The following ADAM32 variants were observed in gnomAD, a reference collection of about 807,000 sequenced individuals.
ADAM32 encodes disintegrin and metalloproteinase domain-containing protein 32.
Under a neutral mutation model 114.9 loss-of-function variants are expected in ADAM32, and 89 were observed. The observed-to-expected ratio is 0.77, with a 90% confidence interval of 0.65 to 0.92. ADAM32 has a LOEUF of 0.92. Ranked by LOEUF, ADAM32 falls within the 40% of genes least tolerant of loss-of-function variation. The pLI is 0.00. For missense variants in ADAM32, 870 were observed against 932.8 expected (o/e 0.93, Z 0.88); for synonymous variants, 285 against 307.5 (o/e 0.93, Z 0.77).
In ADAM32 at chr8:39,149,973, G is replaced by A. The variant is rs1022789246; in HGVS notation, c.353+106G>A. 4 of 780,754 alleles carry A rather than the reference G, an allele frequency of 5.1e-6. No individual in the cohort carries two copies. In the East Asian group the frequency reaches 1.1e-4, roughly 22 times the overall value. 48.4% of individuals were successfully genotyped at this position (780,754 alleles called of 1,614,324 possible). A position where few individuals can be genotyped will look rare whatever the true frequency, so the allele number is the denominator to read the frequency against. Reference sequence around the variant, plus strand: ...GGGGTTGAAGGAGCTTTCCTATGTGGAGATTATTTAATGATATCCCCCTCT... The same window carrying A: ...GGGGTTGAAGGAGCTTTCCTATGTGAAGATTATTTAATGATATCCCCCTCT... On this transcript the variant is annotated intron_variant, in intron 5 of 24. Transcript: ENST00000379907.
intron 22 of ADAM32, chr8:39,276,439 T>A (rs926978786): frequency 6.6e-6 from 1 of 152,196 alleles, no homozygotes; most frequent in Non-Finnish European, 1.5e-5. Context: ...CACTCAGCAA[T>A]TGTGGGTTTT....
At chr8:39,196,210 A>T (rs1806975652) in intron 11 of ADAM32, among the ~76,000 whole-genome samples, 1 of 152,068 alleles carries the variant, frequency 6.6e-6, no homozygotes, top group African/African-American at 2.4e-5. Flanking sequence ...AATTTTACTG[A>T]ATTTGTTGAT....
intron 3 of ADAM32, among the ~76,000 whole-genome samples, chr8:39,145,482 G>A (rs1010205475): frequency 6.6e-6 from 1 of 152,076 alleles, no homozygotes; most frequent in African/African-American, 2.4e-5. Flanking sequence ...ACAGGTGGGG[G>A]TGAATGTTAA....
At chr8:39,134,719 A>G (rs908426863) in intron 2 of ADAM32, among the ~76,000 whole-genome samples, 1 of 152,210 alleles carries the variant, frequency 6.6e-6, no homozygotes, top group Admixed American at 6.5e-5. Context: ...GTCTGCAAAT[A>G]AAAGGTATTT....
At chr8:39,144,901 T>C (rs1803405818) in intron 3 of ADAM32, among the ~76,000 whole-genome samples, 1 of 152,188 alleles carries the variant, frequency 6.6e-6, no homozygotes, top group African/African-American at 2.4e-5. Flanking sequence ...ATCTTATATG[T>C]AGATTACTTA....
chr8:39,227,393 C>T (rs1809451883), intron 14 of ADAM32, among the ~76,000 whole-genome samples: 1 of 152,142 alleles, frequency 6.6e-6, no homozygotes, highest in South Asian at 2.1e-4. Flanking sequence ...CAGACCATTC[C>T]TGCCTGGCAC....
intron 3 of ADAM32, among the ~76,000 whole-genome samples, chr8:39,141,283 G>C (rs902707618): frequency 6.6e-6 from 1 of 152,100 alleles, no homozygotes; most frequent in African/African-American, 2.4e-5. Flanking sequence ...TGTGATGTTA[G>C]GGTGTCAATT....
At chr8:39,223,732 A>T (rs1008729239) in intron 14 of ADAM32, 2 of 152,124 alleles carry the variant, frequency 1.3e-5, no homozygotes, top group African/African-American at 4.8e-5. Context: ...GTTGTACATT[A>T]CATCTCTTGA....
At chr8:39,246,508 ATT>A (rs1810935348) in intron 17 of ADAM32, among the ~76,000 whole-genome samples, 2 of 152,170 alleles carry the variant, frequency 1.3e-5, no homozygotes, top group African/African-American at 4.8e-5. Flanking sequence ...ATGAAAAACT[ATT>A]GTTTTATTTA....
chr8:39,190,813 T>C (rs868577091), intron 11 of ADAM32, among the ~76,000 whole-genome samples: 3 of 152,312 alleles, frequency 2.0e-5, no homozygotes, highest in Middle Eastern at 3.4e-3. Flanking sequence ...CAGTTTGTTA[T>C]ATGGGTACAC....
intron 11 of ADAM32, among the ~76,000 whole-genome samples, chr8:39,206,351 C>G (rs1807830423): frequency 1.3e-5 from 2 of 152,190 alleles, no homozygotes; most frequent in Admixed American, 1.3e-4. Flanking sequence ...GATTGTTCTT[C>G]TGGCATCCAA....
rs548166362 is a variant in ADAM32, at chr8:39,263,009, T to G, written c.2162+5666T>G. On this transcript the variant is annotated intron_variant, in intron 19 of 24. Transcript: ENST00000379907. Reference sequence around the variant, plus strand: ...GTGTGAGGCACCAGGCTTGGTGAGGTGTTCTGTTTACGATTCAGTCCTGAT... The same window carrying G: ...GTGTGAGGCACCAGGCTTGGTGAGGGGTTCTGTTTACGATTCAGTCCTGAT... Among the ~76,000 whole-genome samples the G allele has an allele frequency of 9.9e-5, 15 of 152,212 alleles. 1 individual carries two copies. The Middle Eastern group carries it at 0.02, about 207-fold the overall frequency.
chr8:39,273,099 G>C (rs1812835947), intron 20 of ADAM32, among the ~76,000 whole-genome samples: 1 of 152,230 alleles, frequency 6.6e-6, no homozygotes, highest in East Asian at 1.9e-4. Flanking sequence ...TCATTGGCCA[G>C]GATAACAATG....
intron 3 of ADAM32, among the ~76,000 whole-genome samples, chr8:39,143,798 T>C (rs1255740335): frequency 2.0e-5 from 3 of 152,222 alleles, no homozygotes; most frequent in Non-Finnish European, 4.4e-5. Context: ...CCTTTTGTTC[T>C]ACTATGCCCT....
At chr8:39,284,681 T>C in intron 24 of ADAM32, 112 bp from the exon 25 acceptor site, 1 of 1,186,708 alleles carries the variant, frequency 8.4e-7, no homozygotes, top group East Asian at 2.4e-5. Context: ...TCAATAATTC[T>C]TTTTTTCGTG....
chr8:39,166,046 A>G (rs1381575395), intron 9 of ADAM32: 4 of 152,166 alleles, frequency 2.6e-5, no homozygotes, highest in Admixed American at 6.5e-5. Flanking sequence ...TATCTTTAAT[A>G]TTTATATTTT....
chr8:39,210,008 G>A (rs1291258767), intron 11 of ADAM32, among the ~76,000 whole-genome samples: 1 of 152,180 alleles, frequency 6.6e-6, no homozygotes, highest in African/African-American at 2.4e-5. Context: ...ACTATTACCT[G>A]ACTGCTGCTG....
In ADAM32 at chr8:39,211,158, T is replaced by G; in HGVS notation, c.1067T>G (p.Val356Gly). The change falls in exon 12 of 25, where the codon GTG (valine) becomes GGG (glycine). Residue 356 changes from valine to glycine, a missense_variant. Physicochemically the swap from Val to Gly is moderately radical, Grantham distance 109. Transcript: ENST00000379907. The stretch of plus-strand genomic sequence containing the variant: ...TTCATCTTTAGGCAATCCAATGGTG[T>G]GAAGACTTTTAGCAGTTGCAGTTTG... ...MNPEVVQSNGVKTFSSCSLRS... is the reference protein window; with the variant it reads ...MNPEVVQSNGGKTFSSCSLRS... The G allele has an allele frequency of 6.3e-7, 1 of 1,589,326 alleles. No homozygotes were observed. Among genetic ancestry groups the G allele is most frequent in the Non-Finnish European group, 8.5e-7 (1 of 1,169,966 alleles).
chr8:39,154,087 C>T (rs964821598), intron 6 of ADAM32, among the ~76,000 whole-genome samples: 1 of 148,536 alleles, frequency 6.7e-6, no homozygotes, highest in African/African-American at 2.5e-5. Flanking sequence ...ATGTGCAGAA[C>T]GTGCAGGTTT....
Sources: allele counts gnomAD v4.1 joint callset (sites outside exome capture counted in the v4.1 genomes callset), GRCh38; gene constraint gnomAD v4.1.1; transcripts MANE v1.5; gene names NCBI Gene and HGNC (gene_info 2026-07-23, HGNC 2026-07-21).